Variants in HS3ST4 observed in about 807,000 individuals in gnomAD.
HS3ST4 encodes heparan sulfate-glucosamine 3-sulfotransferase 4.
Under a neutral mutation model 29.2 loss-of-function variants are expected in HS3ST4, and 17 were observed. The ratio of observed to expected loss-of-function variants is 0.58; its 90% CI spans 0.40 to 0.87. The LOEUF is 0.87. Among genes scored for constraint, HS3ST4 ranks in the 40% least tolerant of loss-of-function variants. The pLI, the probability that HS3ST4 is intolerant of heterozygous loss-of-function variation, is 0.00. For missense variants in HS3ST4, 627 were observed against 634.5 expected, an observed-to-expected ratio of 0.99 and a Z score of 0.13; for synonymous variants, 314 against 285.7, an observed-to-expected ratio of 1.10 and a Z score of -1.00.
intron 1 of HS3ST4, among the ~76,000 whole-genome samples, chr16:25,821,059 T>G (rs1967150158): frequency 7.3e-6 from 1 of 137,458 alleles, no homozygotes; most frequent in Non-Finnish European, 1.5e-5. Flanking sequence ...GCCTTTGAAT[T>G]TTTTTTTTTT....
At chr16:26,101,809 A>G (rs1469197280) in intron 1 of HS3ST4, among the ~76,000 whole-genome samples, 2 of 152,074 alleles carry the variant, frequency 1.3e-5, no homozygotes, top group African/African-American at 4.8e-5. Context: ...TTCCTTTTAA[A>G]TTTCCTTTAA....
intron 1 of HS3ST4, among the ~76,000 whole-genome samples, chr16:25,764,670 T>C (rs1339081284): frequency 6.6e-6 from 1 of 152,254 alleles, no homozygotes; most frequent in Non-Finnish European, 1.5e-5. Context: ...GGCACATTGA[T>C]ACCAGAGCTT....
chr16:25,829,070 C>T (rs1967267227), intron 1 of HS3ST4, among the ~76,000 whole-genome samples: 1 of 152,222 alleles, frequency 6.6e-6, no homozygotes, highest in Non-Finnish European at 1.5e-5. Context: ...ATCTTTATTA[C>T]TGACCAAGGG....
chr16:25,761,414 T>C (rs1966787990), intron 1 of HS3ST4, among the ~76,000 whole-genome samples: 1 of 152,116 alleles, frequency 6.6e-6, no homozygotes, highest in African/African-American at 2.4e-5. Flanking sequence ...AGTTAATAAA[T>C]TTACATTATT....
Position 25,692,836 on chromosome 16 carries a change from T to A in HS3ST4, c.419T>A (p.Leu140His), listed in dbSNP as rs749477262. ...GGCGGAGGCGCCCAGGACGCCTGGC[T>A]CCGGACCCCGCTGGCCCCCAGCGAG... is the stretch of plus-strand genomic sequence containing the variant. ...SGGGGAQDAW[L>H]RTPLAPSEMI... Residue 140 changes from leucine (L) to histidine (H), a missense_variant, in exon 1 of 2, where the codon CTC becomes CAC. Leu to His is a moderately conservative substitution (Grantham distance 99, BLOSUM62 -3). Transcript: ENST00000331351. The A allele has an allele frequency of 7.1e-7, 1 of 1,412,352 alleles. No individual in the cohort carries two copies. Among genetic ancestry groups the A allele is most frequent in the Non-Finnish European group, 9.2e-7 (1 of 1,088,284 alleles). The allele number at this position is 1,412,352 out of a possible 1,614,324, so 87.5% of individuals were successfully genotyped here. A position where few individuals can be genotyped will look rare whatever the true frequency, so the allele number is the denominator to read the frequency against.
rs77466345 is a variant in HS3ST4, at chr16:25,934,853, A to G, written c.735-200759A>G. On this transcript the variant is annotated intron_variant, in intron 1 of 1. Transcript: ENST00000331351. ...TGAGTGGAAGATACAGAGATTTCTC[A>G]TATATTCCCCTGCCCCCGCAACCAC... Among the ~76,000 whole-genome samples the G allele has an allele frequency of 6.2e-4, 95 of 152,228 alleles. 3 individuals carry two copies. The East Asian group carries it at 0.016, about 26-fold the overall frequency.
At chr16:25,725,961 G>A (rs1264412046) in intron 1 of HS3ST4, among the ~76,000 whole-genome samples, 1 of 152,116 alleles carries the variant, frequency 6.6e-6, no homozygotes, top group Non-Finnish European at 1.5e-5. Context: ...AGTCAGAAAT[G>A]CATTTTATAT....
At chr16:25,898,440 T>G (rs570402242) in intron 1 of HS3ST4, among the ~76,000 whole-genome samples, 2 of 152,232 alleles carry the variant, frequency 1.3e-5, no homozygotes, top group South Asian at 4.1e-4. Context: ...TTTCCCAAAC[T>G]TTCCCTTCTT....
chr16:25,890,441 A>G (rs770690710), intron 1 of HS3ST4, among the ~76,000 whole-genome samples: 1 of 152,194 alleles, frequency 6.6e-6, no homozygotes. Context: ...TGGCCAGTGC[A>G]TGTCATCTTA....
At position 25,692,395 on chromosome 16, in the gene HS3ST4, G is replaced by C; in HGVS notation, c.-23G>C. The C allele has an allele frequency of 2.5e-6, 2 of 794,950 alleles. No individual in the cohort carries two copies. The highest frequency in any genetic ancestry group is 3.1e-6 in the Non-Finnish European group (2 of 647,624). 49.2% of individuals were successfully genotyped at this position (794,950 alleles called of 1,614,324 possible). A position where few individuals can be genotyped will look rare whatever the true frequency, so the allele number is the denominator to read the frequency against. On this transcript the variant is annotated 5_prime_UTR_variant, in exon 1 of 2. Coordinates refer to ENST00000331351, the MANE Select transcript of HS3ST4 (RefSeq NM_006040.3). ...GCCGGGGGCTGCCGCCGCCGCCGCC[G>C]CCGCCGCGAGCCGGGAGCCGCGATG...
At chr16:25,939,652 G>A (rs752874245) in intron 1 of HS3ST4, among the ~76,000 whole-genome samples, 15 of 152,058 alleles carry the variant, frequency 9.9e-5, no homozygotes, top group Non-Finnish European at 1.3e-4. Flanking sequence ...ATTTTTGAAA[G>A]GTAAACATCC....
chr16:25,856,966 A>T (rs1339514032), intron 1 of HS3ST4, among the ~76,000 whole-genome samples: 1 of 152,122 alleles, frequency 6.6e-6, no homozygotes, highest in Non-Finnish European at 1.5e-5. Context: ...GGTAAACTTG[A>T]CACCACATTT....
At chr16:25,801,597 T>A (rs1198738406) in intron 1 of HS3ST4, among the ~76,000 whole-genome samples, 1 of 152,206 alleles carries the variant, frequency 6.6e-6, no homozygotes, top group Non-Finnish European at 1.5e-5. Flanking sequence ...GGTGAGACTT[T>A]GCCAGTTAGT....
rs577962032 is a variant in HS3ST4, at chr16:25,776,312, A to G, written c.734+83161A>G. ...ACTGCTTAGAGCAAACCTGCCTCCCATTCTATTCAAAGTTACCCCTCTGCT... is the reference window on the plus strand; with the variant it reads ...ACTGCTTAGAGCAAACCTGCCTCCCGTTCTATTCAAAGTTACCCCTCTGCT... On this transcript the variant is annotated intron_variant, in intron 1 of 1. Transcript: ENST00000331351. 1.0e-3 allele frequency among the ~76,000 whole-genome samples: 159 copies of G among 152,316 alleles called. 1 individual carries two copies. The highest frequency in any genetic ancestry group is 1.7e-3 in the Non-Finnish European group (116 of 68,024).
chr16:26,120,520 C>T (rs1899262000), intron 1 of HS3ST4, among the ~76,000 whole-genome samples: 2 of 152,200 alleles, frequency 1.3e-5, no homozygotes, highest in South Asian at 4.1e-4. Context: ...TGAATTTACT[C>T]AGCAGAAAGC....
chr16:25,702,069 C>G (rs1966338044), intron 1 of HS3ST4, among the ~76,000 whole-genome samples: 1 of 152,198 alleles, frequency 6.6e-6, no homozygotes, highest in African/African-American at 2.4e-5. Context: ...CCACTAAATC[C>G]AGAACCAGCC....
intron 1 of HS3ST4, among the ~76,000 whole-genome samples, chr16:25,965,068 C>A (rs568176978): frequency 2.6e-5 from 4 of 152,192 alleles, no homozygotes; most frequent in African/African-American, 9.6e-5. Context: ...GACATTGTAA[C>A]AGATAAAAAA....
chr16:25,853,578 T>C (rs1157934665), intron 1 of HS3ST4, among the ~76,000 whole-genome samples: 1 of 152,208 alleles, frequency 6.6e-6, no homozygotes, highest in Non-Finnish European at 1.5e-5. Flanking sequence ...ACATTTCTTC[T>C]ATACCTATAT....
At chr16:26,126,143 A>T (rs1365687877) in intron 1 of HS3ST4, among the ~76,000 whole-genome samples, 1 of 152,166 alleles carries the variant, frequency 6.6e-6, no homozygotes, top group Non-Finnish European at 1.5e-5. Flanking sequence ...AGTGTCCCTC[A>T]TCTTCTCTTG....
Sources: allele counts gnomAD v4.1 joint callset (sites outside exome capture counted in the v4.1 genomes callset), GRCh38; gene constraint gnomAD v4.1.1; transcripts MANE v1.5; gene names NCBI Gene and HGNC (gene_info 2026-07-23, HGNC 2026-07-21).